The following TRHDE variants were observed in gnomAD, a reference collection of about 807,000 sequenced individuals.
TRHDE encodes the protein thyrotropin releasing hormone degrading enzyme.
A neutral mutation model predicts 125.7 loss-of-function variants in TRHDE; 72 were observed. The observed-to-expected ratio is 0.57, with a 90% confidence interval of 0.47 to 0.70. TRHDE has a LOEUF of 0.70. Among genes scored for constraint, TRHDE ranks in the 30% least tolerant of loss-of-function variants. TRHDE has a pLI of 0.00. For synonymous variants in TRHDE, 509 were observed against 509.1 expected (o/e 1.00, Z 0.00); for missense variants, 1,110 against 1,327.1 (o/e 0.84, Z 2.54).
chr12:72,650,553 G>A (rs1266689631), intron 15 of TRHDE, among the ~76,000 whole-genome samples: 1 of 152,008 alleles, frequency 6.6e-6, no homozygotes, highest in Admixed American at 6.6e-5. Context: ...GACTTAAGGG[G>A]CTCTATCCCT....
intron 6 of TRHDE, among the ~76,000 whole-genome samples, chr12:72,515,355 T>C (rs1448144429): frequency 6.9e-6 from 1 of 144,574 alleles, no homozygotes; most frequent in Non-Finnish European, 1.5e-5. Flanking sequence ...TGGTATCTCA[T>C]TGTGGTTTTG....
At chr12:72,335,180 T>G (rs530414807) in intron 2 of TRHDE, among the ~76,000 whole-genome samples, 1 of 152,244 alleles carries the variant, frequency 6.6e-6, no homozygotes, top group South Asian at 2.1e-4. Flanking sequence ...AACATAAAAT[T>G]ATAAAAATTC....
intron 5 of TRHDE, among the ~76,000 whole-genome samples, chr12:72,476,856 T>G (rs539129278): frequency 1.3e-5 from 2 of 152,310 alleles, no homozygotes; most frequent in South Asian, 4.1e-4. Context: ...AGGTTGTATG[T>G]ATGTGTGTTT....
intron 3 of TRHDE, among the ~76,000 whole-genome samples, chr12:72,393,615 A>G (rs774429162): frequency 1.3e-5 from 2 of 152,220 alleles, no homozygotes; most frequent in African/African-American, 2.4e-5. Context: ...TGTCAAACAT[A>G]TCAGTCACTG....
At chr12:72,466,926 G>C (rs552110926) in intron 3 of TRHDE, among the ~76,000 whole-genome samples, 3 of 151,972 alleles carry the variant, frequency 2.0e-5, no homozygotes, top group African/African-American at 7.3e-5. Flanking sequence ...TCCTGCACAC[G>C]CTCACATATG....
intron 8 of TRHDE, 69 bp downstream of exon 8, chr12:72,562,299 A>T: frequency 1.3e-6 from 1 of 786,170 alleles, no homozygotes; most frequent in Admixed American, 2.2e-5. Context: ...TAAGACATTC[A>T]TAGCCTTTAT....
At chr12:72,625,860 C>T (rs942208293) in intron 15 of TRHDE, among the ~76,000 whole-genome samples, 8 of 151,798 alleles carry the variant, frequency 5.3e-5, no homozygotes, top group Non-Finnish European at 1.0e-4. Context: ...TACATTAGTT[C>T]AAATATGGTA....
At chr12:72,255,954 C>T (rs1336329582) in intron 2 of TRHDE, 3 of 152,212 alleles carry the variant, frequency 2.0e-5, no homozygotes, top group Non-Finnish European at 4.4e-5. Flanking sequence ...CTTCTCACCA[C>T]CCCTCTACTA....
chr12:72,525,121 G>A (rs1868309748), intron 6 of TRHDE, among the ~76,000 whole-genome samples: 1 of 152,092 alleles, frequency 6.6e-6, no homozygotes, highest in Non-Finnish European at 1.5e-5. Flanking sequence ...TTCTGAATTA[G>A]ATGAACAAGC....
intron 15 of TRHDE, among the ~76,000 whole-genome samples, chr12:72,646,733 A>T (rs904441048): frequency 5.3e-5 from 8 of 152,060 alleles, no homozygotes; most frequent in African/African-American, 1.9e-4. Flanking sequence ...CATCACAAAA[A>T]CAAAGAAGGG....
intron 3 of TRHDE, among the ~76,000 whole-genome samples, chr12:72,454,938 T>G (rs1015262289): frequency 7.9e-5 from 12 of 152,018 alleles, no homozygotes; most frequent in Admixed American, 2.0e-4. Context: ...TCAAGATTTA[T>G]TTGCTTCCAT....
intron 12 of TRHDE, among the ~76,000 whole-genome samples, chr12:72,611,878 A>G: frequency 6.6e-6 from 1 of 152,354 alleles, no homozygotes; most frequent in East Asian, 1.9e-4. Flanking sequence ...AGGCAACCTT[A>G]AGCTTATACA....
intron 12 of TRHDE, among the ~76,000 whole-genome samples, chr12:72,595,169 T>C (rs10161424): frequency 0.27 from 40,130 of 146,628 alleles, 7,985 homozygotes; most frequent in African/African-American, 0.55. Context: ...TGCTAAATGA[T>C]GAGTTAATGG....
intron 2 of TRHDE, among the ~76,000 whole-genome samples, chr12:72,266,894 A>G (rs1431981647): frequency 6.6e-6 from 1 of 152,072 alleles, no homozygotes; most frequent in Non-Finnish European, 1.5e-5. Flanking sequence ...AATAGCATTG[A>G]CCTGAAGGTG....
In TRHDE at chr12:72,670,638, T is replaced by G. The variant is rs1278820270; in HGVS notation, c.*7443T>G. ...TTATTCTCTTCTGACATGGACTTTTTCATGACTATACACATGCTGAGGCTA... is the reference window on the plus strand; with the variant it reads ...TTATTCTCTTCTGACATGGACTTTTGCATGACTATACACATGCTGAGGCTA... On this transcript the variant is annotated 3_prime_UTR_variant, in exon 19 of 19. Transcript: ENST00000261180. 1 of 151,798 alleles carries G rather than the reference T, an allele frequency of 6.6e-6. No homozygotes were observed. The highest frequency in any genetic ancestry group is 1.5e-5 in the Non-Finnish European group (1 of 67,828). The allele number at this position is 151,798 out of a possible 1,614,324, so 9.4% of individuals were successfully genotyped here.
intron 2 of TRHDE, among the ~76,000 whole-genome samples, chr12:72,114,268 A>C (rs1243269989): frequency 6.6e-6 from 1 of 151,978 alleles, no homozygotes. Flanking sequence ...CTGATCCTGC[A>C]ACAACTGAGG....
At chr12:72,168,585 A>C (rs1193625417) in intron 2 of TRHDE, among the ~76,000 whole-genome samples, 1 of 152,220 alleles carries the variant, frequency 6.6e-6, no homozygotes, top group East Asian at 1.9e-4. Flanking sequence ...TTGACCTTCC[A>C]GCAATTTTGT....
intron 3 of TRHDE, among the ~76,000 whole-genome samples, chr12:72,437,785 A>G (rs1350044485): frequency 2.0e-5 from 3 of 151,826 alleles, no homozygotes; most frequent in African/African-American, 7.2e-5. Context: ...TTATGGTGCG[A>G]ACACTTTATA....
At chr12:72,551,331 G>A (rs1869662620) in intron 7 of TRHDE, among the ~76,000 whole-genome samples, 1 of 152,068 alleles carries the variant, frequency 6.6e-6, no homozygotes, top group African/African-American at 2.4e-5. Context: ...AGAAATGGTA[G>A]TACCCATTTG....
Sources: allele counts gnomAD v4.1 joint callset (sites outside exome capture counted in the v4.1 genomes callset), GRCh38; gene constraint gnomAD v4.1.1; transcripts MANE v1.5; gene names NCBI Gene and HGNC (gene_info 2026-07-23, HGNC 2026-07-21).